MTMR14: variants seen among roughly 807,000 people sequenced by gnomAD.
MTMR14 encodes the protein myotubularin related protein 14.
Under a neutral mutation model 86.3 loss-of-function variants are expected in MTMR14, and 48 were observed. That is an observed-to-expected ratio of 0.56 (90% confidence interval 0.44 to 0.71). The LOEUF (loss-of-function observed/expected upper bound fraction) is 0.71. Ranked by LOEUF, MTMR14 falls within the 30% of genes least tolerant of loss-of-function variation. MTMR14 has a pLI of 0.00. For synonymous variants in MTMR14, 366 were observed against 326.1 expected (o/e 1.12, Z -1.32); for missense variants, 780 against 834.6 (o/e 0.93, Z 0.81).
At chr3:9,670,334 C>A (rs1174316842) in intron 5 of MTMR14, among the ~76,000 whole-genome samples, 1 of 152,176 alleles carries the variant, frequency 6.6e-6, no homozygotes, top group Non-Finnish European at 1.5e-5. Flanking sequence ...TGACCTCTGC[C>A]CAGCCAGGTC....
intron 13 of MTMR14, among the ~76,000 whole-genome samples, chr3:9,687,570 A>C (rs2076000697): frequency 6.6e-6 from 1 of 151,772 alleles, no homozygotes; most frequent in Non-Finnish European, 1.5e-5. Context: ...AAAAAAAAAA[A>C]AATAGCTGGC....
intron 7 of MTMR14, among the ~76,000 whole-genome samples, chr3:9,675,207 A>G (rs1406431343): frequency 2.6e-5 from 4 of 152,224 alleles, no homozygotes; most frequent in African/African-American, 4.8e-5. Context: ...TAGGGAGGGT[A>G]ATGAGGATCA....
At position 9,683,253 on chromosome 3, in the gene MTMR14, G is replaced by T; in HGVS notation, c.964+9G>T. 2 of 1,613,916 alleles carry T rather than the reference G, an allele frequency of 1.2e-6. No homozygotes were observed. The highest frequency in any genetic ancestry group is 2.2e-5 in the South Asian group (2 of 91,082). On this transcript the variant is annotated intron_variant, in intron 10 of 18. Coordinates refer to ENST00000296003, the MANE Select transcript of MTMR14 (RefSeq NM_001077525.3). ...CTTAGTTAACAGTGATGGTGAGTCT[G>T]TCTCCTCCAGAGCCCTCGAGCCACT...
chr3:9,680,248 T>C (rs2075716838), intron 9 of MTMR14, among the ~76,000 whole-genome samples: 1 of 152,158 alleles, frequency 6.6e-6, no homozygotes, highest in Middle Eastern at 3.2e-3. Context: ...ATCGGTTCTC[T>C]AGTCTCTGCC....
chr3:9,690,212 G>A lies in MTMR14; in HGVS notation c.1613+69G>A, dbSNP rs189066639. 1.1e-5 allele frequency: 17 copies of A among 1,556,390 alleles called. No individual in the cohort carries two copies. In the Admixed American group the frequency reaches 2.8e-4, roughly 26 times the overall value. On this transcript the variant is annotated intron_variant, in intron 17 of 18. Transcript: ENST00000296003. ...CCCCCTTAATAAGACTGGAGGGTCG[G>A]GGGCCAGCACCTGAGCTAGGGTCTC...
intron 1 of MTMR14, among the ~76,000 whole-genome samples, chr3:9,652,452 G>T (rs1334264384): frequency 6.6e-6 from 1 of 151,788 alleles, no homozygotes; most frequent in Non-Finnish European, 1.5e-5. Flanking sequence ...ACTAGTCTAT[G>T]GCTAAAGAAT....
chr3:9,689,149 C>T, intron 16 of MTMR14, 67 bp downstream of exon 16: 1 of 1,594,346 alleles, frequency 6.3e-7, no homozygotes. Context: ...ACCAGGGAGC[C>T]AGGCTGGAGC....
Position 9,702,154 on chromosome 3 carries a change from G to C in MTMR14, c.*181G>C, listed in dbSNP as rs2076480621. The C allele has an allele frequency of 5.4e-6, 4 of 743,714 alleles. No homozygotes were observed. Among genetic ancestry groups the C allele is most frequent in the South Asian group, 4.8e-5 (3 of 62,184 alleles). The allele number at this position is 743,714 out of a possible 1,614,324, so 46.1% of individuals were successfully genotyped here. ...CAAAGACAGGGTTTTCCAACCCCCA[G>C]CCTCTTGACTGGTGACCACCACCCC... On this transcript the variant is annotated 3_prime_UTR_variant, in exon 19 of 19. Coordinates refer to ENST00000296003, the MANE Select transcript of MTMR14 (RefSeq NM_001077525.3).
chr3:9,675,441 A>C, intron 7 of MTMR14: 1 of 349,326 alleles, frequency 2.9e-6, no homozygotes, highest in African/African-American at 2.1e-5. Flanking sequence ...CCCTGTGATG[A>C]CTTTGAGGCT....
rs376185857 is a variant in MTMR14, at chr3:9,702,379, C to G, written c.*406C>G. On this transcript the variant is annotated 3_prime_UTR_variant, in exon 19 of 19. Coordinates refer to ENST00000296003, the MANE Select transcript of MTMR14 (RefSeq NM_001077525.3). Reference sequence around the variant, plus strand: ...ACAGATCACAAAATAAAATCAAAGTCTTTTTGAATAGCCACTCTTGTGTCA... The same window carrying G: ...ACAGATCACAAAATAAAATCAAAGTGTTTTTGAATAGCCACTCTTGTGTCA... The G allele has an allele frequency of 6.9e-6, 2 of 291,890 alleles. No individual in the cohort carries two copies. The highest frequency in any genetic ancestry group is 1.3e-5 in the Non-Finnish European group (2 of 148,466). The allele number at this position is 291,890 out of a possible 1,614,324, so 18.1% of individuals were successfully genotyped here. A position where few individuals can be genotyped will look rare whatever the true frequency, so the allele number is the denominator to read the frequency against.
At position 9,685,170 on chromosome 3, in the gene MTMR14, T is replaced by G. The variant is rs779295808; in HGVS notation, c.1128-41T>G. The G allele has an allele frequency of 8.7e-6, 14 of 1,613,954 alleles. No individual in the cohort carries two copies. In the African/African-American group the frequency reaches 1.7e-4, roughly 20 times the overall value. On this transcript the variant is annotated intron_variant, in intron 12 of 18. Transcript: ENST00000296003. Reference sequence around the variant, plus strand: ...ACCCTGTCCTCTTGGCCTTGTCATCTTGGTGCTGCTGACTTTGCCTCTCTA... The same window carrying G: ...ACCCTGTCCTCTTGGCCTTGTCATCGTGGTGCTGCTGACTTTGCCTCTCTA...
rs143933703 is a variant in MTMR14, at chr3:9,680,754, G to A, written c.898-2424G>A. ...CGGGAGACTGAGGCAGGAGAATGGC[G>A]TGAACCCGGGAGGCGGAGCTTGCGG... On this transcript the variant is annotated intron_variant, in intron 9 of 18. Coordinates refer to ENST00000296003, the MANE Select transcript of MTMR14 (RefSeq NM_001077525.3). 3.3e-4 allele frequency among the ~76,000 whole-genome samples: 50 copies of A among 152,316 alleles called. No homozygotes were observed. The East Asian group carries it at 5.6e-3, about 17-fold the overall frequency.
At chr3:9,659,874 TTTTG>T (rs762537164) in intron 2 of MTMR14, 15 of 455,204 alleles carry the variant, frequency 3.3e-5, no homozygotes, top group African/African-American at 6.0e-5. Context: ...ACCAGGGGTG[TTTTG>T]TTTGTTTGTT....
intron 18 of MTMR14, chr3:9,700,114 C>G (rs1349014783): frequency 6.6e-6 from 1 of 152,266 alleles, no homozygotes; most frequent in Non-Finnish European, 1.5e-5. Flanking sequence ...CTATCTCCCC[C>G]CATACTTACC....
chr3:9,660,031 T>TA (rs550312014), intron 2 of MTMR14, among the ~76,000 whole-genome samples: 98 of 152,302 alleles, frequency 6.4e-4, no homozygotes, highest in African/African-American at 2.3e-3. Context: ...GCTGACCAGA[T>TA]ATGTGACATC....
intron 9 of MTMR14, among the ~76,000 whole-genome samples, chr3:9,682,282 T>C (rs555927058): frequency 6.6e-6 from 1 of 152,272 alleles, no homozygotes; most frequent in Non-Finnish European, 1.5e-5. Context: ...ATGAGGCTGT[T>C]TTAAATTCCT....
Position 9,662,314 on chromosome 3 carries a change from G to T in MTMR14, c.356G>T (p.Arg119Leu). The T allele has an allele frequency of 6.2e-7, 1 of 1,613,440 alleles. No individual in the cohort carries two copies. The highest frequency in any genetic ancestry group is 2.2e-5 in the East Asian group (1 of 44,868). The part of the protein sequence containing the change: ...QVSKLQDLIH[R>L]SKMARCRGRF... The stretch of plus-strand genomic sequence containing the variant: ...AGCAAGTTGCAAGACCTCATCCACC[G>T]CAGCAAGATGGCCCGGTGCAGAGGA... The change falls in exon 3 of 19, where the codon CGC becomes CTC. Residue 119 changes from arginine to leucine, a missense_variant. Transcript: ENST00000296003.
In MTMR14 at chr3:9,677,357, G is replaced by A; in HGVS notation, c.792G>A (p.Met264Ile). 6.2e-7 allele frequency: 1 copy of A among 1,614,050 alleles called. No individual in the cohort carries two copies. The highest frequency in any genetic ancestry group is 8.5e-7 in the Non-Finnish European group (1 of 1,179,962). The part of the protein sequence containing the change: ...FFKEYKDRDY[M>I]AEGLIFNWKQ... Reference sequence around the variant, plus strand: ...AGGAATATAAAGATCGGGATTACATGGCAGAAGGGCTCATATTTAACTGGA... The same window carrying A: ...AGGAATATAAAGATCGGGATTACATAGCAGAAGGGCTCATATTTAACTGGA... Residue 264 changes from methionine (M) to isoleucine (I), a missense_variant, in exon 8 of 19, where the codon ATG becomes ATA. Coordinates refer to ENST00000296003, the MANE Select transcript of MTMR14 (RefSeq NM_001077525.3). This position sits in a 1 kb window ranked among gnomAD's most constrained non-coding sequence, Gnocchi z 4.2.
intron 2 of MTMR14, among the ~76,000 whole-genome samples, chr3:9,654,980 C>T (rs190916505): frequency 3.3e-5 from 5 of 152,310 alleles, no homozygotes; most frequent in Admixed American, 3.3e-4. Context: ...TAGGGATCAA[C>T]TCATATAGGA....
Sources: allele counts gnomAD v4.1 joint callset (sites outside exome capture counted in the v4.1 genomes callset), GRCh38; gene constraint gnomAD v4.1.1; non-coding constraint Gnocchi (gnomAD v3.1); transcripts MANE v1.5; gene names NCBI Gene and HGNC (gene_info 2026-07-23, HGNC 2026-07-21).